The following NPFFR2 variants were observed in gnomAD, a reference collection of about 807,000 sequenced individuals.
The protein encoded by NPFFR2 is neuropeptide FF receptor 2.
NPFFR2 carries 15 observed loss-of-function variants against 13.1 expected under a neutral mutation model. The ratio of observed to expected loss-of-function variants is 1.15; its 90% CI spans 0.77 to 1.76. The LOEUF (loss-of-function observed/expected upper bound fraction) is 1.76, where lower values mean the gene tolerates loss of function less well. Among genes scored for constraint, NPFFR2 ranks in the 40% most tolerant of loss-of-function variants. The pLI is 0.00. For missense variants in NPFFR2, 572 were observed against 503.5 expected, an observed-to-expected ratio of 1.14 and a Z score of -1.30; for synonymous variants, 190 against 175.7, an observed-to-expected ratio of 1.08 and a Z score of -0.65.
chr4:72,112,004 T>C (rs1721579788), intron 1 of NPFFR2, among the ~76,000 whole-genome samples: 1 of 152,032 alleles, frequency 6.6e-6, no homozygotes, highest in Non-Finnish European at 1.5e-5. Flanking sequence ...CCTGGCTTTT[T>C]TACCAGGATT....
At chr4:72,051,737 T>C (rs944585229) in intron 1 of NPFFR2, among the ~76,000 whole-genome samples, 4 of 151,998 alleles carry the variant, frequency 2.6e-5, no homozygotes, top group African/African-American at 9.7e-5. Context: ...ACAAAATTGA[T>C]AGACTGCTAG....
At chr4:72,105,145 G>C (rs1397499160) in intron 1 of NPFFR2, among the ~76,000 whole-genome samples, 1 of 151,452 alleles carries the variant, frequency 6.6e-6, no homozygotes, top group East Asian at 1.9e-4. Flanking sequence ...ATAAATTAAG[G>C]AGAAAGTAGC....
intron 1 of NPFFR2, among the ~76,000 whole-genome samples, chr4:72,067,747 T>C (rs1434941699): frequency 1.3e-5 from 2 of 152,204 alleles, no homozygotes; most frequent in African/African-American, 2.4e-5. Flanking sequence ...AAGTTCTGCC[T>C]CCTACAAAGT....
intron 1 of NPFFR2, among the ~76,000 whole-genome samples, chr4:72,062,878 A>G (rs1221750287): frequency 6.6e-6 from 1 of 152,162 alleles, no homozygotes; most frequent in African/African-American, 2.4e-5. Flanking sequence ...TAGCTGACCA[A>G]TGATACACAG....
intron 1 of NPFFR2, among the ~76,000 whole-genome samples, chr4:72,075,148 G>C (rs1315315413): frequency 6.6e-6 from 1 of 152,088 alleles, no homozygotes; most frequent in African/African-American, 2.4e-5. Context: ...AATCTAATTA[G>C]CTGCCAGTGA....
chr4:72,142,478 A>C (rs1722661472), intron 3 of NPFFR2, among the ~76,000 whole-genome samples: 1 of 152,140 alleles, frequency 6.6e-6, no homozygotes, highest in African/African-American at 2.4e-5. Flanking sequence ...CAGGTACCTC[A>C]GGTGGAAATG....
At chr4:72,140,433 A>G (rs761805550) in intron 3 of NPFFR2, among the ~76,000 whole-genome samples, 75 of 152,316 alleles carry the variant, frequency 4.9e-4, no homozygotes, top group Non-Finnish European at 8.7e-4. Flanking sequence ...GATACATTCC[A>G]TCAATACCTA....
intron 1 of NPFFR2, among the ~76,000 whole-genome samples, chr4:72,126,325 A>G (rs531316882): frequency 1.7e-4 from 26 of 152,350 alleles, no homozygotes; most frequent in Admixed American, 3.3e-4. Flanking sequence ...TTAAGCAGTC[A>G]TTTATAATTC....
chr4:72,140,372 C>T (rs1722566213), intron 3 of NPFFR2, among the ~76,000 whole-genome samples: 1 of 152,116 alleles, frequency 6.6e-6, no homozygotes, highest in South Asian at 2.1e-4. Flanking sequence ...TTTGCCCATT[C>T]AGTATAATGT....
At chr4:72,130,305 A>AG (rs568657247) in intron 2 of NPFFR2, among the ~76,000 whole-genome samples, 6,674 of 152,292 alleles carry the variant, frequency 0.044, 405 homozygotes, top group African/African-American at 0.14. Flanking sequence ...ATCTGATATG[A>AG]TTATGTCTTC....
intron 2 of NPFFR2, among the ~76,000 whole-genome samples, chr4:72,131,485 T>C (rs576747437): frequency 9.4e-5 from 14 of 148,466 alleles, no homozygotes; most frequent in African/African-American, 2.2e-4. Flanking sequence ...CTAGGAGATA[T>C]ACCTAATGCT....
intron 1 of NPFFR2, chr4:72,068,965 A>T: frequency 7.0e-7 from 1 of 1,437,138 alleles, no homozygotes; most frequent in South Asian, 1.4e-5. Flanking sequence ...ACATACAAGA[A>T]ACATCAAAAA....
chr4:72,055,074 A>T (rs1719703623), intron 1 of NPFFR2, among the ~76,000 whole-genome samples: 1 of 151,974 alleles, frequency 6.6e-6, no homozygotes, highest in Non-Finnish European at 1.5e-5. Flanking sequence ...GCAAAACATC[A>T]ATGAATCTTA....
intron 1 of NPFFR2, among the ~76,000 whole-genome samples, chr4:72,065,447 T>TGG (rs1720038587): frequency 6.6e-6 from 1 of 152,208 alleles, no homozygotes; most frequent in Admixed American, 6.5e-5. Flanking sequence ...CAAAAAGACT[T>TGG]TCTTCTCCAA....
At chr4:72,077,546 G>T (rs1032754737) in intron 1 of NPFFR2, among the ~76,000 whole-genome samples, 1 of 152,100 alleles carries the variant, frequency 6.6e-6, no homozygotes, top group Admixed American at 6.6e-5. Flanking sequence ...GGCAGAAAAT[G>T]AACCTCTTTT....
At chr4:72,069,739 A>G (rs1384048102) in intron 1 of NPFFR2, among the ~76,000 whole-genome samples, 1 of 152,196 alleles carries the variant, frequency 6.6e-6, no homozygotes, top group East Asian at 1.9e-4. Flanking sequence ...TATTGGAAAT[A>G]TGAATAGGAA....
intron 1 of NPFFR2, among the ~76,000 whole-genome samples, chr4:72,074,280 A>T (rs1720360816): frequency 6.6e-6 from 1 of 152,016 alleles, no homozygotes; most frequent in African/African-American, 2.4e-5. Flanking sequence ...GGACTTTTCA[A>T]TTATGTCACG....
intron 2 of NPFFR2, 40 bp downstream of exon 2, chr4:72,128,959 A>G (rs771178484): frequency 1.4e-6 from 2 of 1,454,396 alleles, no homozygotes; most frequent in South Asian, 2.5e-5. Flanking sequence ...AATATGAAAT[A>G]TTTGTCCCAT....
Position 72,081,166 on chromosome 4 carries a change from C to A in NPFFR2, c.-7-47419C>A, listed in dbSNP as rs140946732. Among the ~76,000 whole-genome samples, 44 of 152,248 alleles carry A rather than the reference C, an allele frequency of 2.9e-4. No homozygotes were observed. In the East Asian group the frequency reaches 8.1e-3, roughly 28 times the overall value. The stretch of plus-strand genomic sequence containing the variant: ...TTCCTACTCTTGTCTAAGACAGGAA[C>A]GGGCAAAGTATCTACAGTCCCATTG... On this transcript the variant is annotated intron_variant, in intron 1 of 3. Transcript: ENST00000308744.
Sources: allele counts gnomAD v4.1 joint callset (sites outside exome capture counted in the v4.1 genomes callset), GRCh38; gene constraint gnomAD v4.1.1; transcripts MANE v1.5; gene names NCBI Gene and HGNC (gene_info 2026-07-23, HGNC 2026-07-21).